Variants in PPARA observed in about 807,000 individuals in gnomAD.
PPARA encodes peroxisome proliferator-activated receptor alpha.
Under a neutral mutation model 42.2 loss-of-function variants are expected in PPARA, and 22 were observed. The observed-to-expected ratio is 0.52, with a 90% CI of 0.37 to 0.74. PPARA has a LOEUF of 0.74. Among genes scored for constraint, PPARA ranks in the 30% least tolerant of loss-of-function variants. The pLI, the probability that PPARA is intolerant of heterozygous loss-of-function variation, is 0.00. For synonymous variants in PPARA, 242 were observed against 239.3 expected (o/e 1.01, Z -0.10); for missense variants, 465 against 608.2 (o/e 0.76, Z 2.48).
rs569597343 is a variant in PPARA, at chr22:46,171,778, C to T, written c.-126-4975C>T. ...GAGGCAGGACCAGTCTCGTGGAGGT[C>T]GGGGCCGTTGTGAGGACTCTGGTTT... On this transcript the variant is annotated intron_variant, in intron 2 of 8. Coordinates refer to ENST00000407236, the MANE Select transcript of PPARA (RefSeq NM_005036.6). The surrounding 1 kb of genome is among the most constrained non-coding windows in gnomAD (Gnocchi z 5.0). Among the ~76,000 whole-genome samples, 4 of 152,096 alleles carry T rather than the reference C, an allele frequency of 2.6e-5. No individual in the cohort carries two copies. Among genetic ancestry groups the T allele is most frequent in the African/African-American group, 4.8e-5 (2 of 41,500 alleles).
At chr22:46,208,705 C>G (rs1422716827) in intron 4 of PPARA, among the ~76,000 whole-genome samples, 1 of 152,106 alleles carries the variant, frequency 6.6e-6, no homozygotes, top group African/African-American at 2.4e-5. Context: ...CCCATTCCCT[C>G]CCTCAACCTC....
intron 7 of PPARA, among the ~76,000 whole-genome samples, chr22:46,229,567 A>G (rs1935726399): frequency 6.6e-6 from 1 of 152,156 alleles, no homozygotes; most frequent in Admixed American, 6.5e-5. Flanking sequence ...TCAAAAAAAA[A>G]AAAAAATTAT....
intron 4 of PPARA, among the ~76,000 whole-genome samples, chr22:46,210,197 T>A (rs1185628310): frequency 1.3e-5 from 2 of 150,828 alleles, no homozygotes; most frequent in Non-Finnish European, 2.9e-5. Flanking sequence ...TAATCCCAGC[T>A]ACTTGGGAGG....
chr22:46,163,541 G>A lies in PPARA; in HGVS notation c.-127+11571G>A, dbSNP rs1337393868. 6.6e-6 allele frequency: 1 copy of A among 152,204 alleles called. No individual in the cohort carries two copies. Among genetic ancestry groups the A allele is most frequent in the Non-Finnish European group, 1.5e-5 (1 of 68,042 alleles). 9.4% of individuals were successfully genotyped at this position (152,204 alleles called of 1,614,324 possible). A position where few individuals can be genotyped will look rare whatever the true frequency, so the allele number is the denominator to read the frequency against. ...GGAAGAGCAGGCTCCTGGCTGTGGC[G>A]AGCTTGACTCCATTTGGTTTGATAG... On this transcript the variant is annotated intron_variant, in intron 2 of 8. Coordinates refer to ENST00000407236, the MANE Select transcript of PPARA (RefSeq NM_005036.6). The surrounding 1 kb of genome is among the most constrained non-coding windows in gnomAD (Gnocchi z 4.9).
chr22:46,185,565 A>T (rs1255460060), intron 3 of PPARA, among the ~76,000 whole-genome samples: 1 of 150,232 alleles, frequency 6.7e-6, no homozygotes, highest in Non-Finnish European at 1.5e-5. Context: ...TAATCTAAAA[A>T]TTGAAGAAGA....
Position 46,184,849 on chromosome 22 carries a change from C to T in PPARA, c.-43+8013C>T, listed in dbSNP as rs564988998. Among the ~76,000 whole-genome samples the T allele has an allele frequency of 2.6e-4, 40 of 152,210 alleles. No individual in the cohort carries two copies. The highest frequency in any genetic ancestry group is 1.9e-3 in the South Asian group (9 of 4,820). On this transcript the variant is annotated intron_variant, in intron 3 of 8. Transcript: ENST00000407236. This position sits in a 1 kb window ranked among gnomAD's most constrained non-coding sequence, Gnocchi z 4.4. ...CAGCCTACGCGACAGAGCAAGACTC[C>T]GTCTCAAAAAACAAAAAAAGTATTC... is the stretch of plus-strand genomic sequence containing the variant.
In PPARA at chr22:46,212,223, A is replaced by AT. The variant is rs568720968; in HGVS notation, c.209-2945dup. ...AGGTGCACACCGCTGAGCCCAGCAA[A>AT]TTTTTGTATTTTTTGTAAAGATAGG... On this transcript the variant is annotated intron_variant, in intron 4 of 8. Transcript: ENST00000407236. This position sits in a 1 kb window ranked among gnomAD's most constrained non-coding sequence, Gnocchi z 4.2. 3.4e-4 allele frequency among the ~76,000 whole-genome samples: 51 copies of AT among 151,206 alleles called. No homozygotes were observed. The highest frequency in any genetic ancestry group is 7.3e-4 in the African/African-American group (30 of 41,182).
rs1398850278 is a variant in PPARA, at chr22:46,184,936, T to G, written c.-43+8100T>G. ...CAGAAAGCTCGTAGGGTCTTCTCTT[T>G]GTCTCCAGCATGGTCTGGAATTTCC... On this transcript the variant is annotated intron_variant, in intron 3 of 8. Coordinates refer to ENST00000407236, the MANE Select transcript of PPARA (RefSeq NM_005036.6). The surrounding 1 kb of genome is among the most constrained non-coding windows in gnomAD (Gnocchi z 4.4). 6.6e-6 allele frequency among the ~76,000 whole-genome samples: 1 copy of G among 152,198 alleles called. No individual in the cohort carries two copies. Among genetic ancestry groups the G allele is most frequent in the Non-Finnish European group, 1.5e-5 (1 of 68,032 alleles).
At chr22:46,154,632 A>C (rs968576948) in intron 2 of PPARA, among the ~76,000 whole-genome samples, 2 of 151,988 alleles carry the variant, frequency 1.3e-5, no homozygotes, top group African/African-American at 4.8e-5. Context: ...ATAAATAAAT[A>C]TTTATGTAAT....
At chr22:46,209,778 C>T (rs779195523) in intron 4 of PPARA, among the ~76,000 whole-genome samples, 4 of 152,160 alleles carry the variant, frequency 2.6e-5, no homozygotes, top group Non-Finnish European at 4.4e-5. Flanking sequence ...CAGGGTCTCA[C>T]TTTGTTACTC....
chr22:46,157,353 C>T (rs1207528695), intron 2 of PPARA, among the ~76,000 whole-genome samples: 1 of 152,124 alleles, frequency 6.6e-6, no homozygotes, highest in Non-Finnish European at 1.5e-5. Flanking sequence ...GACAGCGGCA[C>T]CTACGGATGA....
rs1277794281 is a variant in PPARA at position 46,225,257 on chromosome 22, A to T, written c.711+5243A>T. ...CAGAAAATGGTCAGGGCCCTTGGTG[A>T]TGGGGAAGGGCGCCTCTGGGGAACT... On this transcript the variant is annotated intron_variant, in intron 7 of 8. Transcript: ENST00000407236. This position sits in a 1 kb window ranked among gnomAD's most constrained non-coding sequence, Gnocchi z 4.1. 6.6e-6 allele frequency among the ~76,000 whole-genome samples: 1 copy of T among 152,064 alleles called. No homozygotes were observed. The highest frequency in any genetic ancestry group is 1.5e-5 in the Non-Finnish European group (1 of 68,006).
At chr22:46,177,813 C>T (rs1464354036) in intron 3 of PPARA, among the ~76,000 whole-genome samples, 2 of 152,020 alleles carry the variant, frequency 1.3e-5, no homozygotes, top group Non-Finnish European at 2.9e-5. Context: ...CAGGTCAGAA[C>T]CTCAGGTGTG....
chr22:46,199,469 CA>C (rs1240250700), intron 4 of PPARA, among the ~76,000 whole-genome samples: 5 of 151,582 alleles, frequency 3.3e-5, no homozygotes, highest in African/African-American at 4.8e-5. Context: ...CCCATCTATA[CA>C]AAAAAAATTT....
Position 46,187,977 on chromosome 22 carries a change from A to C in PPARA, c.-42-10365A>C, listed in dbSNP as rs1469486531. ...TTCAACCTCTTGGAATGCTGCCACC[A>C]TCTGAGAAGCCTGAGGTGGCCTCTG... On this transcript the variant is annotated intron_variant, in intron 3 of 8. Transcript: ENST00000407236. This position sits in a 1 kb window ranked among gnomAD's most constrained non-coding sequence, Gnocchi z 4.9. 6.6e-6 allele frequency among the ~76,000 whole-genome samples: 1 copy of C among 152,210 alleles called. No individual in the cohort carries two copies. Among genetic ancestry groups the C allele is most frequent in the Non-Finnish European group, 1.5e-5 (1 of 68,032 alleles).
rs912421218 is a variant in PPARA at position 46,216,128 on chromosome 22, A to G, written c.369+795A>G. The stretch of plus-strand genomic sequence containing the variant: ...CCGGGTGCAGTGGCTCACGCCTATA[A>G]TCTCAGCACTTTGGGAGGCCGAGGC... On this transcript the variant is annotated intron_variant, in intron 5 of 8. Coordinates refer to ENST00000407236, the MANE Select transcript of PPARA (RefSeq NM_005036.6). This position sits in a 1 kb window ranked among gnomAD's most constrained non-coding sequence, Gnocchi z 4.5. 9.9e-5 allele frequency among the ~76,000 whole-genome samples: 15 copies of G among 152,176 alleles called. No homozygotes were observed. Among genetic ancestry groups the G allele is most frequent in the Non-Finnish European group, 1.8e-4 (12 of 68,026 alleles).
Position 46,242,506 on chromosome 22 carries a change from T to G in PPARA, c.*7126T>G, listed in dbSNP as rs1179599332. ...TTCTACATTGTGTGGTAAAAAGAAC[T>G]ACGTTAATAGCTATATCTTAAATAC... On this transcript the variant is annotated 3_prime_UTR_variant, in exon 9 of 9. Transcript: ENST00000407236. The surrounding 1 kb of genome is among the most constrained non-coding windows in gnomAD (Gnocchi z 6.1). 7.2e-5 allele frequency: 11 copies of G among 152,162 alleles called. No homozygotes were observed. Among genetic ancestry groups the G allele is most frequent in the Admixed American group, 7.2e-4 (11 of 15,224 alleles). The allele number at this position is 152,162 out of a possible 1,614,324, so 9.4% of individuals were successfully genotyped here.
chr22:46,186,691 T>A (rs1332002141), intron 3 of PPARA, among the ~76,000 whole-genome samples: 1 of 151,916 alleles, frequency 6.6e-6, no homozygotes, highest in East Asian at 1.9e-4. Flanking sequence ...CCAGGCTAGG[T>A]GAGAGAGCGA....
chr22:46,226,817 C>A (rs908506628), intron 7 of PPARA, among the ~76,000 whole-genome samples: 1 of 151,850 alleles, frequency 6.6e-6, no homozygotes, highest in Non-Finnish European at 1.5e-5. Context: ...ACTGTGGTTG[C>A]GCCACTGTAC....
Sources: allele counts gnomAD v4.1 joint callset (sites outside exome capture counted in the v4.1 genomes callset), GRCh38; gene constraint gnomAD v4.1.1; non-coding constraint Gnocchi (gnomAD v3.1); transcripts MANE v1.5; gene names NCBI Gene and HGNC (gene_info 2026-07-23, HGNC 2026-07-21).